The following NTNG1 variants were observed in gnomAD, a reference collection of about 807,000 sequenced individuals.
NTNG1 encodes netrin G1.
A neutral mutation model predicts 54.0 loss-of-function variants in NTNG1; 16 were observed. The observed-to-expected ratio is 0.30, with a 90% confidence interval of 0.20 to 0.45. The LOEUF is 0.45. Ranked by LOEUF, NTNG1 falls within the 20% of genes least tolerant of loss-of-function variation. NTNG1 has a pLI of 1.00. For missense variants in NTNG1, 530 were observed against 678.7 expected (o/e 0.78, Z 2.43); for synonymous variants, 255 against 263.1 (o/e 0.97, Z 0.30).
At chr1:107,320,355 C>G (rs1310048661) in intron 2 of NTNG1, among the ~76,000 whole-genome samples, 2 of 152,064 alleles carry the variant, frequency 1.3e-5, no homozygotes, top group African/African-American at 2.4e-5. Context: ...CTTCCTGATG[C>G]CTGAATCTGT....
chr1:107,208,221 G>A (rs1034481333), intron 2 of NTNG1, among the ~76,000 whole-genome samples: 3 of 152,000 alleles, frequency 2.0e-5, no homozygotes, highest in Non-Finnish European at 4.4e-5. Context: ...CCAGAGGCTG[G>A]GAGTTTGAGA....
chr1:107,175,951 G>A (rs1447774166), intron 2 of NTNG1, among the ~76,000 whole-genome samples: 1 of 152,098 alleles, frequency 6.6e-6, no homozygotes, highest in Non-Finnish European at 1.5e-5. Context: ...CTTGCTGGGG[G>A]TTGTGTGAAG....
At chr1:107,465,373 G>A (rs1260980380) in intron 7 of NTNG1, among the ~76,000 whole-genome samples, 5 of 152,208 alleles carry the variant, frequency 3.3e-5, no homozygotes, top group Non-Finnish European at 7.3e-5. Context: ...TGTTCTGTGT[G>A]GACAATGAGA....
intron 3 of NTNG1, among the ~76,000 whole-genome samples, chr1:107,369,070 CAT>C (rs1414882341): frequency 2.0e-5 from 3 of 152,158 alleles, no homozygotes; most frequent in Admixed American, 6.5e-5. Context: ...TTTTATTCAA[CAT>C]AATTATTTTG....
intron 2 of NTNG1, among the ~76,000 whole-genome samples, chr1:107,235,069 G>A (rs528775047): frequency 5.9e-5 from 9 of 152,236 alleles, no homozygotes; most frequent in African/African-American, 2.2e-4. Flanking sequence ...AACTTTATCA[G>A]TGCAGCAATT....
At chr1:107,326,994 A>G (rs1174370311) in intron 3 of NTNG1, among the ~76,000 whole-genome samples, 2 of 152,168 alleles carry the variant, frequency 1.3e-5, no homozygotes. Flanking sequence ...CTCCCAGACT[A>G]GTCATTTCCT....
chr1:107,463,760 T>A (rs867908218), intron 7 of NTNG1, among the ~76,000 whole-genome samples: 3 of 152,182 alleles, frequency 2.0e-5, no homozygotes, highest in Non-Finnish European at 4.4e-5. Context: ...GCCCTGATTA[T>A]GTCCTTAGGA....
chr1:107,211,871 T>C (rs574302186), intron 2 of NTNG1, among the ~76,000 whole-genome samples: 26 of 152,314 alleles, frequency 1.7e-4, no homozygotes, highest in African/African-American at 5.8e-4. Flanking sequence ...CCACAGTTCA[T>C]TTGGGCAATA....
chr1:107,349,530 G>T (rs533662703), intron 3 of NTNG1, among the ~76,000 whole-genome samples: 1 of 152,208 alleles, frequency 6.6e-6, no homozygotes, highest in South Asian at 2.1e-4. Context: ...AATCCCTTAT[G>T]TATTTCTCCC....
chr1:107,207,409 G>T lies in NTNG1; in HGVS notation c.246+58570G>T, dbSNP rs72699307. ...GACTGTGGACAGCCACCTCCCAAAGGAAAAATACTGTAGCTGTGAAGGTGA... is the reference window on the plus strand; with the variant it reads ...GACTGTGGACAGCCACCTCCCAAAGTAAAAATACTGTAGCTGTGAAGGTGA... On this transcript the variant is annotated intron_variant, in intron 2 of 7. Transcript: ENST00000370068. 7.5e-3 allele frequency among the ~76,000 whole-genome samples: 1,136 copies of T among 152,270 alleles called. 4 individuals are homozygous for T. Among genetic ancestry groups the T allele is most frequent in the Non-Finnish European group, 0.011 (729 of 68,022 alleles).
intron 7 of NTNG1, among the ~76,000 whole-genome samples, chr1:107,452,796 G>A (rs1676703960): frequency 6.6e-6 from 1 of 152,132 alleles, no homozygotes; most frequent in Non-Finnish European, 1.5e-5. Context: ...CCAGCCTGGA[G>A]AACCATAAGC....
At chr1:107,456,459 C>T (rs1484679345) in intron 7 of NTNG1, among the ~76,000 whole-genome samples, 1 of 152,132 alleles carries the variant, frequency 6.6e-6, no homozygotes, top group African/African-American at 2.4e-5. Flanking sequence ...AGGTCCATGC[C>T]TAATCCCAGA....
chr1:107,223,595 T>C (rs1660491118), intron 2 of NTNG1, among the ~76,000 whole-genome samples: 1 of 152,206 alleles, frequency 6.6e-6, no homozygotes, highest in African/African-American at 2.4e-5. Flanking sequence ...TAAGTAGTTA[T>C]ATTATGGGCA....
intron 2 of NTNG1, among the ~76,000 whole-genome samples, chr1:107,278,150 C>G (rs1051655813): frequency 6.6e-6 from 1 of 152,162 alleles, no homozygotes; most frequent in East Asian, 1.9e-4. Context: ...CATTTCCTCC[C>G]CACCCATAGT....
intron 2 of NTNG1, among the ~76,000 whole-genome samples, chr1:107,236,669 T>C (rs1661432970): frequency 6.6e-6 from 1 of 152,214 alleles, no homozygotes; most frequent in Admixed American, 6.5e-5. Flanking sequence ...AATTGACTCA[T>C]GTGGGCAGGT....
rs567179434 is a variant in NTNG1, at chr1:107,453,813, T to C, written c.1390+17014T>C. On this transcript the variant is annotated intron_variant, in intron 7 of 7. Transcript: ENST00000370068. ...CTTGGACATTTCACACATGTTACTT[T>C]ATTTATTCTTCCAATAACCCTGCAA... Among the ~76,000 whole-genome samples the C allele has an allele frequency of 3.9e-5, 6 of 152,324 alleles. No homozygotes were observed. The East Asian group carries it at 1.2e-3, about 29-fold the overall frequency.
intron 2 of NTNG1, among the ~76,000 whole-genome samples, chr1:107,261,461 A>C (rs1212919752): frequency 6.6e-6 from 1 of 152,224 alleles, no homozygotes; most frequent in Non-Finnish European, 1.5e-5. Flanking sequence ...ATTTAAAAAA[A>C]AAAAGCTCTT....
chr1:107,396,885 G>A (rs1234605068), intron 4 of NTNG1, among the ~76,000 whole-genome samples: 1 of 152,170 alleles, frequency 6.6e-6, no homozygotes, highest in Non-Finnish European at 1.5e-5. Flanking sequence ...GCAGGGGAAG[G>A]CTGCTGTTGA....
intron 2 of NTNG1, among the ~76,000 whole-genome samples, chr1:107,217,357 A>G (rs1185108077): frequency 6.6e-6 from 1 of 152,056 alleles, no homozygotes; most frequent in Admixed American, 6.6e-5. Flanking sequence ...TAATCTCGCT[A>G]ATGGTCTATT....
Sources: gnomAD v4.1 joint callset for allele counts (sites outside exome capture counted in the v4.1 genomes callset) on GRCh38, gnomAD v4.1.1 for gene constraint, MANE v1.5 for transcripts, NCBI Gene and HGNC (gene_info 2026-07-23, HGNC 2026-07-21) for gene names.